Variants in IP6K1 observed in about 807,000 individuals in gnomAD.
The protein encoded by IP6K1 is inositol hexakisphosphate kinase 1, also known as ATP:1D-myo-inositol-hexakisphosphate phosphotransferase.
A neutral mutation model predicts 38.3 loss-of-function variants in IP6K1; 13 were observed. The ratio of observed to expected loss-of-function variants is 0.34; its 90% confidence interval spans 0.22 to 0.54. IP6K1 has a LOEUF of 0.54. IP6K1 is among the 20% of genes least tolerant of loss of function. The pLI, the probability that IP6K1 is intolerant of heterozygous loss-of-function variation, is 0.92. For missense variants in IP6K1, 397 were observed against 599.8 expected, an observed-to-expected ratio of 0.66 and a Z score of 3.53; for synonymous variants, 212 against 229.9, an observed-to-expected ratio of 0.92 and a Z score of 0.70.
At position 49,725,393 on chromosome 3, in the gene IP6K1, G is replaced by A. The variant is rs1443679382; in HGVS notation, c.*1729C>T. ...TACAGGAGAGAAGACTGTAATTTGT[G>A]ACCAGAAACAGGCAAGCTGTCCCTC... is the stretch of plus-strand genomic sequence containing the variant. On this transcript the variant is annotated 3_prime_UTR_variant, in exon 6 of 6. Coordinates refer to ENST00000321599, the MANE Select transcript of IP6K1 (RefSeq NM_153273.4). 6.6e-6 allele frequency: 1 copy of A among 152,294 alleles called. No individual in the cohort carries two copies. Among genetic ancestry groups the A allele is most frequent in the African/African-American group, 2.4e-5 (1 of 41,460 alleles). 9.4% of individuals were successfully genotyped at this position (152,294 alleles called of 1,614,324 possible). A position where few individuals can be genotyped will look rare whatever the true frequency, so the allele number is the denominator to read the frequency against.
chr3:49,733,057 A>G (rs2080578046), intron 3 of IP6K1, 85 bp from the exon 4 acceptor site: 2 of 988,596 alleles, frequency 2.0e-6, no homozygotes, highest in Admixed American at 4.6e-5. Flanking sequence ...AGATCTGTCC[A>G]CAATGACAGA....
intron 1 of IP6K1, among the ~76,000 whole-genome samples, chr3:49,750,510 C>T (rs1007283517): frequency 4.6e-5 from 7 of 152,058 alleles, no homozygotes; most frequent in Non-Finnish European, 4.4e-5. Context: ...GCCTGGCCAA[C>T]ATGGCGAAAC....
At chr3:49,735,163 C>T (rs571750904) in intron 3 of IP6K1, among the ~76,000 whole-genome samples, 6 of 152,216 alleles carry the variant, frequency 3.9e-5, no homozygotes, top group Admixed American at 2.6e-4. Flanking sequence ...CAGACCACCC[C>T]GGGCAACAAA....
chr3:49,761,204 A>G (rs2080865113), intron 1 of IP6K1, among the ~76,000 whole-genome samples: 1 of 151,794 alleles, frequency 6.6e-6, no homozygotes. Flanking sequence ...AGTCCCAGCT[A>G]CTCGGGAGGC....
intron 1 of IP6K1, among the ~76,000 whole-genome samples, chr3:49,763,240 A>G (rs2080882201): frequency 6.6e-6 from 1 of 150,570 alleles, no homozygotes; most frequent in Non-Finnish European, 1.5e-5. Context: ...AGCAGCTGGG[A>G]CTACAGGCGC....
intron 4 of IP6K1, among the ~76,000 whole-genome samples, chr3:49,731,812 C>T (rs1036347490): frequency 6.2e-5 from 9 of 144,852 alleles, no homozygotes; most frequent in Admixed American, 3.7e-4. Flanking sequence ...CTCTTGAACC[C>T]GGGAGGCGGA....
In IP6K1 at chr3:49,737,260, C is replaced by T. The variant is rs576403918; in HGVS notation, c.434+952G>A. Among the ~76,000 whole-genome samples the T allele has an allele frequency of 2.0e-5, 3 of 152,228 alleles. No individual in the cohort carries two copies. In the East Asian group the frequency reaches 5.8e-4, roughly 29 times the overall value. On this transcript the variant is annotated intron_variant, in intron 3 of 5. Coordinates refer to ENST00000321599, the MANE Select transcript of IP6K1 (RefSeq NM_153273.4). Reference sequence around the variant, plus strand: ...TAAATTGTTTCCCAAGTGGCTGCACCACTTTACCTTCCTACCAGCAGTGTA... The same window carrying T: ...TAAATTGTTTCCCAAGTGGCTGCACTACTTTACCTTCCTACCAGCAGTGTA...
chr3:49,729,418 T>C (rs1384079451), intron 4 of IP6K1, among the ~76,000 whole-genome samples: 3 of 151,264 alleles, frequency 2.0e-5, no homozygotes, highest in Non-Finnish European at 4.4e-5. Context: ...TTTATTTTAT[T>C]TTTTTTTTGA....
intron 2 of IP6K1, among the ~76,000 whole-genome samples, chr3:49,744,775 A>C (rs185565287): frequency 1.3e-5 from 2 of 152,342 alleles, no homozygotes; most frequent in African/African-American, 4.8e-5. Flanking sequence ...CCCTTTCAGC[A>C]CATGGAGCTA....
chr3:49,768,497 C>T (rs895673691), intron 1 of IP6K1, among the ~76,000 whole-genome samples: 2 of 152,134 alleles, frequency 1.3e-5, no homozygotes, highest in African/African-American at 4.8e-5. Flanking sequence ...GGGCTGGGCA[C>T]AGTTGCTTAA....
chr3:49,740,063 G>GT (rs2080652025), intron 2 of IP6K1, among the ~76,000 whole-genome samples: 1 of 151,994 alleles, frequency 6.6e-6, no homozygotes, highest in East Asian at 1.9e-4. Context: ...GGCTCACACT[G>GT]TAATTCCAGC....
At chr3:49,750,734 CT>C in intron 1 of IP6K1, among the ~76,000 whole-genome samples, 1 of 152,210 alleles carries the variant, frequency 6.6e-6, no homozygotes, top group Middle Eastern at 3.4e-3. Context: ...AGCCCTTCCC[CT>C]GACTCTGAGA....
intron 1 of IP6K1, among the ~76,000 whole-genome samples, chr3:49,783,050 G>A (rs2108267243): frequency 6.6e-6 from 1 of 151,558 alleles, no homozygotes; most frequent in African/African-American, 2.4e-5. Flanking sequence ...AACCCAGGAG[G>A]CGGAAGTTGC....
intron 1 of IP6K1, among the ~76,000 whole-genome samples, chr3:49,755,765 AC>A (rs2080817664): frequency 6.6e-6 from 1 of 152,056 alleles, no homozygotes; most frequent in East Asian, 1.9e-4. Flanking sequence ...TTCAAGAATC[AC>A]AGACAAAAAC....
chr3:49,749,422 ACT>A (rs1345604711), intron 1 of IP6K1, among the ~76,000 whole-genome samples: 4 of 152,206 alleles, frequency 2.6e-5, no homozygotes, highest in Admixed American at 6.5e-5. Flanking sequence ...ATTTCTTAAC[ACT>A]GAGTGTATTT....
chr3:49,731,597 TGA>T (rs892073011), intron 4 of IP6K1, among the ~76,000 whole-genome samples: 11 of 152,198 alleles, frequency 7.2e-5, no homozygotes, highest in African/African-American at 2.2e-4. Context: ...ATGGGAATGA[TGA>T]GAGTTCCTTC....
intron 4 of IP6K1, among the ~76,000 whole-genome samples, chr3:49,732,005 T>C (rs2080567030): frequency 6.6e-6 from 1 of 152,058 alleles, no homozygotes. Flanking sequence ...GGTGCAATCA[T>C]GGCCCACTGC....
chr3:49,760,515 T>C (rs768431004), intron 1 of IP6K1, among the ~76,000 whole-genome samples: 1 of 151,114 alleles, frequency 6.6e-6, no homozygotes, highest in Admixed American at 6.6e-5. Context: ...TCCCAGCTAC[T>C]CGTGAGGCTG....
chr3:49,728,351 T>C, intron 4 of IP6K1, 73 bp from the exon 5 acceptor site: 1 of 1,491,578 alleles, frequency 6.7e-7, no homozygotes, highest in Non-Finnish European at 9.2e-7. Flanking sequence ...ACCCAGTTTT[T>C]CTATAAAAGG....
Sources: allele counts gnomAD v4.1 joint callset (sites outside exome capture counted in the v4.1 genomes callset), GRCh38; gene constraint gnomAD v4.1.1; transcripts MANE v1.5; gene names NCBI Gene and HGNC (gene_info 2026-07-23, HGNC 2026-07-21).